SLC6A19: variants seen among roughly 807,000 people sequenced by gnomAD.
The protein encoded by SLC6A19 is solute carrier family 6 member 19.
Under a neutral mutation model 68.3 loss-of-function variants are expected in SLC6A19, and 67 were observed. The observed-to-expected ratio is 0.98, with a 90% CI of 0.81 to 1.20. SLC6A19 has a LOEUF of 1.20. Ranked by LOEUF, SLC6A19 falls within the 50% of genes most tolerant of loss-of-function variation. The pLI is 0.00. For synonymous variants in SLC6A19, 392 were observed against 374.9 expected, an observed-to-expected ratio of 1.05 and a Z score of -0.53; for missense variants, 813 against 851.6, an observed-to-expected ratio of 0.95 and a Z score of 0.56.
At chr5:1,207,688 A>G (rs576546577) in intron 1 of SLC6A19, among the ~76,000 whole-genome samples, 1 of 152,304 alleles carries the variant, frequency 6.6e-6, no homozygotes, top group Admixed American at 6.5e-5. Flanking sequence ...CAACTTTCAA[A>G]CAAACAACTC....
chr5:1,206,848 A>G (rs1415028023), intron 1 of SLC6A19, among the ~76,000 whole-genome samples: 1 of 152,140 alleles, frequency 6.6e-6, no homozygotes, highest in African/African-American at 2.4e-5. Flanking sequence ...AGGAGACAGG[A>G]CCCATGTCGG....
chr5:1,203,578 TGGGCCACCAGGTCACCTGCTAGACTCTGA>T (rs1371124990), intron 1 of SLC6A19, among the ~76,000 whole-genome samples: 69 of 152,332 alleles, frequency 4.5e-4, no homozygotes, highest in African/African-American at 1.5e-3. Flanking sequence ...GCCCTTCGGC[TGGGCCACCAGGTCACCTGCTAGACTCTGA>T]GGGCCACTGT....
rs1455930254 is a variant in SLC6A19 at position 1,209,087 on chromosome 5, G to T, written c.343+201G>T. On this transcript the variant is annotated intron_variant, in intron 2 of 11. Coordinates refer to ENST00000304460, the MANE Select transcript of SLC6A19 (RefSeq NM_001003841.3). The surrounding 1 kb of genome is among the most constrained non-coding windows in gnomAD (Gnocchi z 5.5). Reference sequence around the variant, plus strand: ...GGCCACTCCTGTTCACCAGGAACCAGACAGGCCAGCAGAGGCCGCCCGAGT... The same window carrying T: ...GGCCACTCCTGTTCACCAGGAACCATACAGGCCAGCAGAGGCCGCCCGAGT... Among the ~76,000 whole-genome samples the T allele has an allele frequency of 2.0e-5, 3 of 152,330 alleles. No individual in the cohort carries two copies. The highest frequency in any genetic ancestry group is 4.1e-4 in the South Asian group (2 of 4,826).
chr5:1,207,020 G>C (rs1203702672), intron 1 of SLC6A19, among the ~76,000 whole-genome samples: 3 of 152,238 alleles, frequency 2.0e-5, no homozygotes, highest in African/African-American at 4.8e-5. Context: ...TCCAGCCTGG[G>C]GCAGGCGCGA....
chr5:1,203,299 G>A (rs571794682), intron 1 of SLC6A19, among the ~76,000 whole-genome samples: 48 of 152,298 alleles, frequency 3.2e-4, no homozygotes, highest in Middle Eastern at 6.8e-3. Flanking sequence ...GATAGTCCCC[G>A]CTCTGACACC....
At chr5:1,218,793 G>C in intron 8 of SLC6A19, 110 bp from the exon 9 acceptor site, 1 of 1,134,666 alleles carries the variant, frequency 8.8e-7, no homozygotes, top group Non-Finnish European at 1.3e-6. Context: ...TGACAGCTCA[G>C]ACCTGCCCGC....
chr5:1,201,755 G>C lies in SLC6A19; in HGVS notation c.105G>C (p.Trp35Cys). The change falls in exon 1 of 12, where the codon TGG (tryptophan) becomes TGC (cysteine). Residue 35 changes from tryptophan (W) to cysteine (C), a missense_variant. Coordinates refer to ENST00000304460, the MANE Select transcript of SLC6A19 (RefSeq NM_001003841.3). ...AGGAGGCCAGCTCCCGGCCGAAGTG[G>C]GACAACAAGGCGCAGTACATGCTCA... is the stretch of plus-strand genomic sequence containing the variant. ...EQEEASSRPK[W>C]DNKAQYMLTC... is the part of the protein sequence containing the mutation. 6.2e-7 allele frequency: 1 copy of C among 1,612,812 alleles called. No individual in the cohort carries two copies. Among genetic ancestry groups the C allele is most frequent in the Non-Finnish European group, 8.5e-7 (1 of 1,179,906 alleles).
At chr5:1,213,441 C>T (rs1579513760) in intron 4 of SLC6A19, 22 bp from the exon 5 acceptor site, 1 of 1,569,270 alleles carries the variant, frequency 6.4e-7, no homozygotes, top group Non-Finnish European at 8.6e-7. Flanking sequence ...CCCGCCCATC[C>T]CACATGTCCC....
chr5:1,208,689 G>C, intron 1 of SLC6A19, 57 bp from the exon 2 acceptor site: 2 of 1,611,912 alleles, frequency 1.2e-6, no homozygotes, highest in South Asian at 2.2e-5. Flanking sequence ...TCCCGAGGGA[G>C]GCCTTCCTGC....
chr5:1,204,259 C>T (rs116309397), intron 1 of SLC6A19, among the ~76,000 whole-genome samples: 1,819 of 152,326 alleles, frequency 0.012, 28 homozygotes, highest in African/African-American at 0.042. Flanking sequence ...AGATTTTGCC[C>T]TCCTTGGAGA....
rs1746137868 is a variant in SLC6A19 at position 1,214,187 on chromosome 5, G to A, written c.887+122G>A. 1 of 1,528,788 alleles carries A rather than the reference G, an allele frequency of 6.5e-7. No individual in the cohort carries two copies. The highest frequency in any genetic ancestry group is 1.4e-5 in the African/African-American group (1 of 72,762). 94.7% of individuals were successfully genotyped at this position (1,528,788 alleles called of 1,614,324 possible). On this transcript the variant is annotated intron_variant, in intron 6 of 11. Coordinates refer to ENST00000304460, the MANE Select transcript of SLC6A19 (RefSeq NM_001003841.3). The surrounding 1 kb of genome is among the most constrained non-coding windows in gnomAD (Gnocchi z 7.4). The stretch of plus-strand genomic sequence containing the variant: ...GTGGCCGGGGCCTTGCTGCCCCGAT[G>A]GGCCCGTTCCCTCCTGCTCGGGGTC...
At chr5:1,211,788 AGCATGTGT>A (rs1746036532) in intron 3 of SLC6A19, among the ~76,000 whole-genome samples, 1 of 149,418 alleles carries the variant, frequency 6.7e-6, no homozygotes, top group Non-Finnish European at 1.5e-5. Flanking sequence ...CGTGCATGTG[AGCATGTGT>A]GCCTGTGTGC....
intron 1 of SLC6A19, among the ~76,000 whole-genome samples, chr5:1,207,942 G>A (rs2126496451): frequency 6.6e-6 from 1 of 152,356 alleles, no homozygotes; most frequent in African/African-American, 2.4e-5. Context: ...AGAGGTAGCA[G>A]TGCAGAGGTG....
At position 1,214,822 on chromosome 5, in the gene SLC6A19, G is replaced by A. The variant is rs1056852505; in HGVS notation, c.887+757G>A. Among the ~76,000 whole-genome samples, 8 of 147,260 alleles carry A rather than the reference G, an allele frequency of 5.4e-5. No individual in the cohort carries two copies. Among genetic ancestry groups the A allele is most frequent in the East Asian group, 3.9e-4 (2 of 5,096 alleles). ...CCTCAGTGCAAGGGGGCAGGGCCTG[G>A]GTAGGGAGGGTGGGGCCTAGACTGG... On this transcript the variant is annotated intron_variant, in intron 6 of 11. Transcript: ENST00000304460. This position sits in a 1 kb window ranked among gnomAD's most constrained non-coding sequence, Gnocchi z 7.4.
At chr5:1,201,931 C>CCCGGGG in intron 1 of SLC6A19, 79 bp downstream of exon 1, 2 of 1,491,878 alleles carry the variant, frequency 1.3e-6, no homozygotes, top group Non-Finnish European at 1.8e-6. Context: ...GGGCAGACAT[C>CCCGGGG]CTCCCCGGAC....
chr5:1,219,881 G>T (rs537038001), intron 10 of SLC6A19, among the ~76,000 whole-genome samples: 1 of 152,332 alleles, frequency 6.6e-6, no homozygotes, highest in South Asian at 2.1e-4. Context: ...TTGTGTTGCT[G>T]GGAGCCGGGA....
intron 2 of SLC6A19, 68 bp from the exon 3 acceptor site, chr5:1,210,376 A>G: frequency 6.2e-7 from 1 of 1,601,820 alleles, no homozygotes; most frequent in Admixed American, 1.7e-5. Context: ...CCTCCTGCTC[A>G]GAGTGGGGAT....
chr5:1,221,214 G>T lies in SLC6A19; in HGVS notation c.1602G>T (p.Trp534Cys), dbSNP rs770445754. The change falls in exon 11 of 12, where the codon TGG (tryptophan) becomes TGT (cysteine). Residue 534 changes from tryptophan (W) to cysteine (C), a missense_variant. Trp to Cys is a radical substitution (Grantham distance 215). Coordinates refer to ENST00000304460, the MANE Select transcript of SLC6A19 (RefSeq NM_001003841.3). ...HKPNIFWQVT[W>C]RVVSPLLMLI... ...CCAACATCTTCTGGCAAGTCACGTG[G>T]CGCGTGGTCAGCCCCCTGCTCATGC... 6.2e-7 allele frequency: 1 copy of T among 1,614,136 alleles called. No homozygotes were observed. The highest frequency in any genetic ancestry group is 1.7e-5 in the Admixed American group (1 of 60,008).
chr5:1,218,447 G>A (rs550628781), intron 8 of SLC6A19, among the ~76,000 whole-genome samples: 6 of 152,380 alleles, frequency 3.9e-5, no homozygotes, highest in South Asian at 2.1e-4. Flanking sequence ...GAAGGCGTCC[G>A]GGTGGTTGCG....
Sources: allele counts gnomAD v4.1 joint callset (sites outside exome capture counted in the v4.1 genomes callset), GRCh38; gene constraint gnomAD v4.1.1; non-coding constraint Gnocchi (gnomAD v3.1); transcripts MANE v1.5; gene names NCBI Gene and HGNC (gene_info 2026-07-23, HGNC 2026-07-21).